Variants in DDR1 observed in about 807,000 individuals in gnomAD.
DDR1 encodes epithelial discoidin domain-containing receptor 1.
In DDR1, 64 loss-of-function variants were observed where a neutral mutation model predicts 97.4. The observed-to-expected ratio is 0.66, with a 90% CI of 0.54 to 0.81. The LOEUF (loss-of-function observed/expected upper bound fraction) is 0.81. Among genes scored for constraint, DDR1 ranks in the 30% least tolerant of loss-of-function variants. The pLI is 0.00. For synonymous variants in DDR1, 458 were observed against 503.7 expected (o/e 0.91, Z 1.21); for missense variants, 990 against 1,259.6 (o/e 0.79, Z 3.24).
chr6:30,899,184 C>T lies in DDR1; in HGVS notation c.2630C>T (p.Pro877Leu), dbSNP rs776556090. The change falls in exon 18 of 18, where the codon CCG becomes CTG. Residue 877 changes from proline (P) to leucine (L), a missense_variant. Transcript: ENST00000376568. ...QVYLSRPPACPQGLYELMLRC... is the reference protein window; with the variant it reads ...QVYLSRPPACLQGLYELMLRC... The stretch of plus-strand genomic sequence containing the variant: ...TACCTGTCCCGGCCGCCTGCCTGCC[C>T]GCAGGGCCTATATGAGCTGATGCTT... 49 of 1,614,112 alleles carry T rather than the reference C, an allele frequency of 3.0e-5. 1 individual carries two copies. The highest frequency in any genetic ancestry group is 2.2e-4 in the South Asian group (20 of 91,088).
In DDR1 at chr6:30,891,040, G is replaced by A. The variant is rs761229007; in HGVS notation, c.485G>A (p.Arg162Gln). ...GACCTTGGGCCCCCCATGGTTGCCC[G>A]ACTGGTTCGCTTCTACCCCCGGGCT... Reference protein sequence around the residue: ...LKDLGPPMVARLVRFYPRADR... With the variant: ...LKDLGPPMVAQLVRFYPRADR... The change falls in exon 5 of 18, where the codon CGA becomes CAA. Residue 162 changes from arginine (R) to glutamine (Q), a missense_variant. Physicochemically the swap from Arg to Gln is conservative, Grantham distance 43. Transcript: ENST00000376568. This position sits in a 1 kb window ranked among gnomAD's most constrained non-coding sequence, Gnocchi z 5.3. The A allele has an allele frequency of 7.4e-6, 12 of 1,612,910 alleles. No homozygotes were observed. Among genetic ancestry groups the A allele is most frequent in the South Asian group, 2.2e-5 (2 of 91,080 alleles).
At position 30,898,274 on chromosome 6, in the gene DDR1, C is replaced by A; in HGVS notation, c.2418C>A (p.Pro806=). 1 of 1,614,074 alleles carries A rather than the reference C, an allele frequency of 6.2e-7. No homozygotes were observed. The highest frequency in any genetic ancestry group is 8.5e-7 in the Non-Finnish European group (1 of 1,179,948). The change falls in exon 16 of 18, where the codon CCC becomes CCA. Residue 806 remains proline, a synonymous_variant. Coordinates refer to ENST00000376568, the MANE Select transcript of DDR1 (RefSeq NM_001297654.2). ...YYRVQGRAVL[P]IRWMAWECIL... The stretch of plus-strand genomic sequence containing the variant: ...GTGTGCAGGGCCGGGCAGTGCTGCC[C>A]ATCCGCTGGATGGCCTGGGAGTGCA...
At chr6:30,892,993 C>G in intron 8 of DDR1, 75 bp from the exon 9 acceptor site, 1 of 1,286,554 alleles carries the variant, frequency 7.8e-7, no homozygotes, top group Non-Finnish European at 1.1e-6. Flanking sequence ...CTTTGCACAA[C>G]AGTCCACTGC....
rs1789386674 is a variant in DDR1 at position 30,893,401 on chromosome 6, A to ACTGGCGCAGGCTCCT, written c.1327_1341dup (p.Trp443_Leu447dup). ...ATTGCCCTCATGCTCTGGCGGCTGC[A>ACTGGCGCAGGCTCCT]CTGGCGCAGGCTCCTCAGCAAGGTG... is the stretch of plus-strand genomic sequence containing the variant. On this transcript the variant is annotated inframe_insertion, in exon 10 of 18. Coordinates refer to ENST00000376568, the MANE Select transcript of DDR1 (RefSeq NM_001297654.2). The ACTGGCGCAGGCTCCT allele has an allele frequency of 6.2e-7, 1 of 1,605,524 alleles. No individual in the cohort carries two copies. Among genetic ancestry groups the ACTGGCGCAGGCTCCT allele is most frequent in the Non-Finnish European group, 8.5e-7 (1 of 1,179,726 alleles).
rs916783286 is a variant in DDR1, at chr6:30,898,306, T to C, written c.2450T>C (p.Met817Thr). ...TGGATGGCCTGGGAGTGCATCCTCA[T>C]GGTGAGCAGCCCGAGGACAGCCAGG... ...IRWMAWECIL[M>T]GKFTTASDVW... Residue 817 changes from methionine to threonine, a missense_variant and splice_region_variant, in exon 16 of 18, where the codon ATG (methionine) becomes ACG (threonine). By Grantham distance (81) the Met-to-Thr change is moderately conservative (BLOSUM62 -1). Transcript: ENST00000376568. 3.1e-6 allele frequency: 5 copies of C among 1,611,030 alleles called. No homozygotes were observed. The highest frequency in any genetic ancestry group is 4.2e-6 in the Non-Finnish European group (5 of 1,177,732).
rs375418570 is a variant in DDR1, at chr6:30,899,389, C to T, written c.*93C>T. 8.8e-5 allele frequency: 131 copies of T among 1,483,364 alleles called. 2 individuals are homozygous for T. In the South Asian group the frequency reaches 1.0e-3, roughly 12 times the overall value. 91.9% of individuals were successfully genotyped at this position (1,483,364 alleles called of 1,614,324 possible). A position where few individuals can be genotyped will look rare whatever the true frequency, so the allele number is the denominator to read the frequency against. On this transcript the variant is annotated 3_prime_UTR_variant, in exon 18 of 18. Coordinates refer to ENST00000376568, the MANE Select transcript of DDR1 (RefSeq NM_001297654.2). Reference sequence around the variant, plus strand: ...GACACAATGGCACCTCTGCCCTTCCCCTCCCGACAGCCCATCACCTCTAAT... The same window carrying T: ...GACACAATGGCACCTCTGCCCTTCCTCTCCCGACAGCCCATCACCTCTAAT...
At position 30,890,956 on chromosome 6, in the gene DDR1, T is replaced by A; in HGVS notation, c.418-17T>A. On this transcript the variant is annotated splice_polypyrimidine_tract_variant and intron_variant, in intron 4 of 17. Transcript: ENST00000376568. The surrounding 1 kb of genome is among the most constrained non-coding windows in gnomAD (Gnocchi z 5.0). ...CCTGGACTCCATCCCACCCACCCCC[T>A]GTTTCCTGGCCCACAGGTGATCTCA... is the stretch of plus-strand genomic sequence containing the variant. 4.9e-5 allele frequency: 64 copies of A among 1,317,422 alleles called. No individual in the cohort carries two copies. Among genetic ancestry groups the A allele is most frequent in the East Asian group, 8.6e-5 (3 of 35,068 alleles). The allele number at this position is 1,317,422 out of a possible 1,614,324, so 81.6% of individuals were successfully genotyped here. A position where few individuals can be genotyped will look rare whatever the true frequency, so the allele number is the denominator to read the frequency against.
rs1787396258 is a variant in DDR1 at position 30,889,901 on chromosome 6, T to G, written c.417+471T>G. On this transcript the variant is annotated intron_variant, in intron 4 of 17. Coordinates refer to ENST00000376568, the MANE Select transcript of DDR1 (RefSeq NM_001297654.2). This position sits in a 1 kb window ranked among gnomAD's most constrained non-coding sequence, Gnocchi z 4.9. ...CTATAAGTTAAGATGATATCCTTGA[T>G]TCCTTTTTTTCTCTCACCTCCTTCC... Among the ~76,000 whole-genome samples the G allele has an allele frequency of 1.3e-5, 2 of 152,100 alleles. No individual in the cohort carries two copies. Among genetic ancestry groups the G allele is most frequent in the Non-Finnish European group, 2.9e-5 (2 of 68,022 alleles).
Position 30,897,828 on chromosome 6 carries a change from C to T in DDR1, c.2216+231C>T, listed in dbSNP as rs1364680009. 6.6e-6 allele frequency among the ~76,000 whole-genome samples: 1 copy of T among 152,144 alleles called. No individual in the cohort carries two copies. Among genetic ancestry groups the T allele is most frequent in the Non-Finnish European group, 1.5e-5 (1 of 68,016 alleles). Reference sequence around the variant, plus strand: ...GGGACTTGGGCCCTGCCATGACGTCCCTTCTGCTTTCTCTCACCCTCACTC... The same window carrying T: ...GGGACTTGGGCCCTGCCATGACGTCTCTTCTGCTTTCTCTCACCCTCACTC... On this transcript the variant is annotated intron_variant, in intron 15 of 17. Coordinates refer to ENST00000376568, the MANE Select transcript of DDR1 (RefSeq NM_001297654.2). The surrounding 1 kb of genome is among the most constrained non-coding windows in gnomAD (Gnocchi z 5.2).
chr6:30,888,911 A>G lies in DDR1; in HGVS notation c.89A>G (p.Lys30Arg), dbSNP rs1487415827. 1.2e-6 allele frequency: 2 copies of G among 1,612,962 alleles called. No individual in the cohort carries two copies. The highest frequency in any genetic ancestry group is 1.7e-5 in the Admixed American group (1 of 60,016). ...TACATGCCTGCTTTTTACTCAGCCAAGTGCCGCTATGCCCTGGGCATGCAG... is the reference window on the plus strand; with the variant it reads ...TACATGCCTGCTTTTTACTCAGCCAGGTGCCGCTATGCCCTGGGCATGCAG... ...ADMKGHFDPA[K>R]CRYALGMQDR... The change falls in exon 3 of 18, where the codon AAG (lysine) becomes AGG (arginine). Residue 30 changes from lysine (K) to arginine (R), a missense_variant. Coordinates refer to ENST00000376568, the MANE Select transcript of DDR1 (RefSeq NM_001297654.2). The surrounding 1 kb of genome is among the most constrained non-coding windows in gnomAD (Gnocchi z 4.2).
At chr6:30,896,088 T>G (rs1790651274) in intron 12 of DDR1, among the ~76,000 whole-genome samples, 1 of 151,666 alleles carries the variant, frequency 6.6e-6, no homozygotes, top group Non-Finnish European at 1.5e-5. Flanking sequence ...TTACCCTCCC[T>G]CCTCTCTGTG....
In DDR1 at chr6:30,898,091, T is replaced by A; in HGVS notation, c.2235T>A (p.His745Gln). 6.2e-7 allele frequency: 1 copy of A among 1,614,102 alleles called. No homozygotes were observed. Among genetic ancestry groups the A allele is most frequent in the Non-Finnish European group, 8.5e-7 (1 of 1,179,912 alleles). Residue 745 changes from histidine to glutamine, a missense_variant, in exon 16 of 18, where the codon CAT becomes CAA. By Grantham distance (24) the His-to-Gln change is conservative. Coordinates refer to ENST00000376568, the MANE Select transcript of DDR1 (RefSeq NM_001297654.2). The part of the protein sequence containing the change: ...GPTISYPMLL[H>Q]VAAQIASGMR... ...TTCTCAGCTACCCAATGCTGCTGCA[T>A]GTGGCAGCCCAGATCGCCTCCGGCA...
chr6:30,890,577 G>A lies in DDR1; in HGVS notation c.418-396G>A, dbSNP rs368345028. On this transcript the variant is annotated intron_variant, in intron 4 of 17. Transcript: ENST00000376568. This position sits in a 1 kb window ranked among gnomAD's most constrained non-coding sequence, Gnocchi z 5.0. ...ACTGAGAACGCGCCTGGCACAGAGC[G>A]GGCACTCAGCCAACTTCTGCTGAAT... is the stretch of plus-strand genomic sequence containing the variant. 290 of 190,466 alleles carry A rather than the reference G, an allele frequency of 1.5e-3. 4 individuals carry two copies. The South Asian group carries it at 0.029, about 19-fold the overall frequency. 11.8% of individuals were successfully genotyped at this position (190,466 alleles called of 1,614,324 possible). A position where few individuals can be genotyped will look rare whatever the true frequency, so the allele number is the denominator to read the frequency against.
rs1191401021 is a variant in DDR1, at chr6:30,886,826, C to G, written c.-42-1862C>G. Reference sequence around the variant, plus strand: ...AGACTTCAGTACAGGGCTCTGAGACCAGTACAGGTTAGGATAGCTTTTCCT... The same window carrying G: ...AGACTTCAGTACAGGGCTCTGAGACGAGTACAGGTTAGGATAGCTTTTCCT... On this transcript the variant is annotated intron_variant, in intron 1 of 17. Coordinates refer to ENST00000376568, the MANE Select transcript of DDR1 (RefSeq NM_001297654.2). The surrounding 1 kb of genome is among the most constrained non-coding windows in gnomAD (Gnocchi z 4.6). 6.6e-6 allele frequency: 1 copy of G among 152,176 alleles called. No homozygotes were observed. Among genetic ancestry groups the G allele is most frequent in the African/African-American group, 2.4e-5 (1 of 41,408 alleles). 9.4% of individuals were successfully genotyped at this position (152,176 alleles called of 1,614,324 possible).
chr6:30,889,023 C>A lies in DDR1; in HGVS notation c.188+13C>A, dbSNP rs1786951041. Reference sequence around the variant, plus strand: ...CCCGCCACAGCAGGTACTTGGCACACCTGGCACACTTGTAGCTGCCCCGAG... The same window carrying A: ...CCCGCCACAGCAGGTACTTGGCACAACTGGCACACTTGTAGCTGCCCCGAG... On this transcript the variant is annotated intron_variant, in intron 3 of 17. Transcript: ENST00000376568. The surrounding 1 kb of genome is among the most constrained non-coding windows in gnomAD (Gnocchi z 4.9). The A allele has an allele frequency of 6.2e-7, 1 of 1,612,570 alleles. No homozygotes were observed.
rs1217475637 is a variant in DDR1 at position 30,889,529 on chromosome 6, T to C, written c.417+99T>C. ...TACGCTGACGACTCTCCAGTTTATA[T>C]CATCTCCAGACTAAGCCTCTCAGCT... On this transcript the variant is annotated intron_variant, in intron 4 of 17. Transcript: ENST00000376568. The surrounding 1 kb of genome is among the most constrained non-coding windows in gnomAD (Gnocchi z 4.9). The C allele has an allele frequency of 1.2e-6, 1 of 868,236 alleles. No homozygotes were observed. The highest frequency in any genetic ancestry group is 1.7e-5 in the African/African-American group (1 of 58,568). 53.8% of individuals were successfully genotyped at this position (868,236 alleles called of 1,614,324 possible). A position where few individuals can be genotyped will look rare whatever the true frequency, so the allele number is the denominator to read the frequency against.
chr6:30,891,359 C>G lies in DDR1; in HGVS notation c.566-21C>G. ...ATGGAGCCTTAGTGCCTCTGACCCC[C>G]ATCCTCTCACCCTGCCCCAGATGGA... On this transcript the variant is annotated intron_variant, in intron 5 of 17. Transcript: ENST00000376568. This position sits in a 1 kb window ranked among gnomAD's most constrained non-coding sequence, Gnocchi z 5.3. 5 of 1,597,252 alleles carry G rather than the reference C, an allele frequency of 3.1e-6. No individual in the cohort carries two copies. Among genetic ancestry groups the G allele is most frequent in the Non-Finnish European group, 4.3e-6 (5 of 1,166,716 alleles).
In DDR1 at chr6:30,899,592, A is replaced by T. The variant is rs1792230592; in HGVS notation, c.*296A>T. The T allele has an allele frequency of 2.0e-6, 1 of 498,850 alleles. No individual in the cohort carries two copies. Among genetic ancestry groups the T allele is most frequent in the Non-Finnish European group, 3.6e-6 (1 of 280,666 alleles). The allele number at this position is 498,850 out of a possible 1,614,324, so 30.9% of individuals were successfully genotyped here. On this transcript the variant is annotated 3_prime_UTR_variant, in exon 18 of 18. Transcript: ENST00000376568. ...ACCCTCCTCTAGCCATCCCTTGGGG[A>T]AGGGTGGGGAGAAATATAGGATAGA...
rs781354304 is a variant in DDR1, at chr6:30,895,388, C to G, written c.1514-16C>G. ...TCATCCCTTCCCCGTGTTTCCCCTCCTCCTTCTCCCGACAGCGTTGCTGCT... is the reference window on the plus strand; with the variant it reads ...TCATCCCTTCCCCGTGTTTCCCCTCGTCCTTCTCCCGACAGCGTTGCTGCT... On this transcript the variant is annotated splice_polypyrimidine_tract_variant and intron_variant, in intron 11 of 17. Transcript: ENST00000376568. The G allele has an allele frequency of 1.9e-6, 3 of 1,597,842 alleles. No homozygotes were observed. Among genetic ancestry groups the G allele is most frequent in the South Asian group, 2.2e-5 (2 of 89,146 alleles).
Sources: gnomAD v4.1 joint callset for allele counts (sites outside exome capture counted in the v4.1 genomes callset) on GRCh38, gnomAD v4.1.1 for gene constraint, Gnocchi (gnomAD v3.1) non-coding constraint, MANE v1.5 for transcripts, NCBI Gene and HGNC (gene_info 2026-07-23, HGNC 2026-07-21) for gene names.